PSMD1: variants seen among roughly 807,000 people sequenced by gnomAD.
The protein encoded by PSMD1 is 26S proteasome non-ATPase regulatory subunit 1.
PSMD1 carries 18 observed loss-of-function variants against 119.0 expected under a neutral mutation model. The observed-to-expected ratio is 0.15, with a 90% CI of 0.10 to 0.22. PSMD1 has a LOEUF of 0.22. Among genes scored for constraint, PSMD1 ranks in the 10% least tolerant of loss-of-function variants. The probability of loss-of-function intolerance (pLI) is 1.00; values close to 1 mark genes in which losing one functional copy is unlikely to be tolerated. For synonymous variants in PSMD1, 374 were observed against 396.6 expected (o/e 0.94, Z 0.68); for missense variants, 702 against 1,158.5 (o/e 0.61, Z 5.72).
At chr2:231,163,794 T>C (rs1293015799) in intron 21 of PSMD1, 67 bp downstream of exon 21, 10 of 1,136,564 alleles carry the variant, frequency 8.8e-6, no homozygotes, top group Non-Finnish European at 1.2e-5. Context: ...ATTTTACTTT[T>C]TCTTTAACTA....
intron 14 of PSMD1, among the ~76,000 whole-genome samples, chr2:231,084,525 T>C (rs1304332244): frequency 6.6e-6 from 1 of 152,080 alleles, no homozygotes; most frequent in African/African-American, 2.4e-5. Context: ...TTGTATATGG[T>C]GGGTAGTTAG....
At chr2:231,073,238 A>G (rs1694082352) in intron 7 of PSMD1, among the ~76,000 whole-genome samples, 1 of 152,218 alleles carries the variant, frequency 6.6e-6, no homozygotes, top group South Asian at 2.1e-4. Context: ...ATCACTGATG[A>G]CAGATTACCA....
chr2:231,166,789 T>C (rs1341139365), intron 23 of PSMD1, among the ~76,000 whole-genome samples: 1 of 152,182 alleles, frequency 6.6e-6, no homozygotes, highest in Admixed American at 6.5e-5. Context: ...AGTAAACTTA[T>C]TCTTATCAAC....
chr2:231,140,473 G>A (rs918204646), intron 17 of PSMD1, among the ~76,000 whole-genome samples: 10 of 145,334 alleles, frequency 6.9e-5, no homozygotes, highest in Non-Finnish European at 1.2e-4. Context: ...TTCAGCCTGG[G>A]TGACAGAGCA....
intron 15 of PSMD1, among the ~76,000 whole-genome samples, chr2:231,085,673 G>T (rs1694415258): frequency 6.8e-6 from 1 of 147,904 alleles, no homozygotes; most frequent in Non-Finnish European, 1.5e-5. Context: ...GACCCCTAAG[G>T]AACATGATCT....
chr2:231,143,001 C>A (rs1003323412), intron 17 of PSMD1, among the ~76,000 whole-genome samples: 2 of 152,050 alleles, frequency 1.3e-5, no homozygotes, highest in Non-Finnish European at 2.9e-5. Flanking sequence ...ATGAAGGATA[C>A]TTGAGAAACA....
chr2:231,091,488 C>T (rs1694591846), intron 16 of PSMD1, among the ~76,000 whole-genome samples: 1 of 152,194 alleles, frequency 6.6e-6, no homozygotes, highest in Non-Finnish European at 1.5e-5. Flanking sequence ...CTGCTTTTTA[C>T]ATCAGGTTTT....
intron 19 of PSMD1, among the ~76,000 whole-genome samples, chr2:231,154,664 T>C (rs1292941420): frequency 2.0e-5 from 3 of 152,166 alleles, no homozygotes; most frequent in Admixed American, 2.0e-4. Context: ...AGATAGGATC[T>C]CACTATGTTG....
At chr2:231,169,410 T>C (rs1228062813) in intron 23 of PSMD1, among the ~76,000 whole-genome samples, 2 of 152,138 alleles carry the variant, frequency 1.3e-5, no homozygotes, top group Non-Finnish European at 2.9e-5. Context: ...TCTGGGAGTA[T>C]TGGCAGTAAG....
At chr2:231,064,930 G>C (rs994865036) in intron 4 of PSMD1, among the ~76,000 whole-genome samples, 3 of 151,754 alleles carry the variant, frequency 2.0e-5, no homozygotes, top group Admixed American at 6.6e-5. Flanking sequence ...CCAAGATTTT[G>C]GGATTACAGA....
intron 5 of PSMD1, among the ~76,000 whole-genome samples, chr2:231,069,312 T>A (rs1298025014): frequency 1.3e-5 from 2 of 152,262 alleles, no homozygotes; most frequent in Non-Finnish European, 2.9e-5. Flanking sequence ...ATAACTCTGT[T>A]ATTTTTAAAT....
At chr2:231,088,232 G>A (rs1426626901) in intron 16 of PSMD1, among the ~76,000 whole-genome samples, 1 of 152,178 alleles carries the variant, frequency 6.6e-6, no homozygotes, top group Non-Finnish European at 1.5e-5. Context: ...AGTTGTAGTT[G>A]TGGAGTTGGT....
chr2:231,091,313 G>T (rs1694583769), intron 16 of PSMD1, among the ~76,000 whole-genome samples: 1 of 152,192 alleles, frequency 6.6e-6, no homozygotes, highest in South Asian at 2.1e-4. Flanking sequence ...ACATTCCCTT[G>T]TTATGTAACC....
At chr2:231,087,330 A>G (rs757989643) in intron 16 of PSMD1, 149 bp downstream of exon 16, 102 of 630,556 alleles carry the variant, frequency 1.6e-4, no homozygotes, top group Non-Finnish European at 2.5e-4. Flanking sequence ...ACCATTTAAT[A>G]GCGAGATTAG....
chr2:231,071,575 T>C (rs1350159190), intron 6 of PSMD1, among the ~76,000 whole-genome samples: 1 of 152,166 alleles, frequency 6.6e-6, no homozygotes, highest in East Asian at 1.9e-4. Context: ...TTATTTTGTT[T>C]GTGTTATTTC....
intron 16 of PSMD1, among the ~76,000 whole-genome samples, chr2:231,099,513 A>T (rs1206315897): frequency 6.6e-6 from 1 of 152,164 alleles, no homozygotes; most frequent in Non-Finnish European, 1.5e-5. Flanking sequence ...GTGTTTTAGC[A>T]TGAGACCTAG....
intron 5 of PSMD1, among the ~76,000 whole-genome samples, chr2:231,068,292 A>G (rs1377733618): frequency 6.6e-6 from 1 of 152,226 alleles, no homozygotes; most frequent in African/African-American, 2.4e-5. Flanking sequence ...GAGTGAATGA[A>G]TGAATGGCCT....
At chr2:231,123,990 G>T (rs55802320) in intron 16 of PSMD1, 1,418 of 504,390 alleles carry the variant, frequency 2.8e-3, no homozygotes, top group Non-Finnish European at 4.0e-3. Context: ...TTTTCTAGAG[G>T]CTTAAATTTA....
intron 21 of PSMD1, among the ~76,000 whole-genome samples, chr2:231,164,225 C>T (rs763533866): frequency 7.2e-5 from 11 of 152,122 alleles, no homozygotes; most frequent in Non-Finnish European, 1.5e-4. Context: ...TGTATTTGTG[C>T]ACTGTGTGAG....
Sources: allele counts gnomAD v4.1 joint callset (sites outside exome capture counted in the v4.1 genomes callset), GRCh38; gene constraint gnomAD v4.1.1; transcripts MANE v1.5; gene names NCBI Gene and HGNC (gene_info 2026-07-23, HGNC 2026-07-21).